Variants in GRM7 observed in about 807,000 individuals in gnomAD.
GRM7 encodes the protein metabotropic glutamate receptor 7.
A neutral mutation model predicts 84.5 loss-of-function variants in GRM7; 35 were observed. The ratio of observed to expected loss-of-function variants is 0.41; its 90% CI spans 0.32 to 0.55. GRM7 has a LOEUF of 0.55. GRM7 is among the 20% of genes least tolerant of loss of function. The pLI is 0.19. For missense variants in GRM7, 1,003 were observed against 1,194.6 expected, an observed-to-expected ratio of 0.84 and a Z score of 2.36; for synonymous variants, 487 against 455.1, an observed-to-expected ratio of 1.07 and a Z score of -0.89.
At chr3:7,548,387 A>C (rs1330637379) in intron 7 of GRM7, among the ~76,000 whole-genome samples, 1 of 152,210 alleles carries the variant, frequency 6.6e-6, no homozygotes, top group Non-Finnish European at 1.5e-5. Context: ...CCAGAAGCCA[A>C]GCAGGTGCTA....
chr3:7,445,068 G>A (rs987738720), intron 5 of GRM7, among the ~76,000 whole-genome samples: 3 of 152,090 alleles, frequency 2.0e-5, no homozygotes, highest in African/African-American at 4.8e-5. Flanking sequence ...TGTTCTGGGC[G>A]TTAACTTTTC....
At chr3:7,660,922 A>G (rs1699415831) in intron 8 of GRM7, among the ~76,000 whole-genome samples, 1 of 152,246 alleles carries the variant, frequency 6.6e-6, no homozygotes, top group South Asian at 2.1e-4. Context: ...TATCCAAAAT[A>G]AACAAACATG....
At chr3:7,606,451 A>G (rs1447490732) in intron 8 of GRM7, among the ~76,000 whole-genome samples, 2 of 152,202 alleles carry the variant, frequency 1.3e-5, no homozygotes, top group Non-Finnish European at 2.9e-5. Context: ...AGATATGACA[A>G]TAAAACACAC....
intron 1 of GRM7, among the ~76,000 whole-genome samples, chr3:7,083,860 C>A (rs1698354224): frequency 6.6e-6 from 1 of 152,042 alleles, no homozygotes; most frequent in Non-Finnish European, 1.5e-5. Context: ...TGCATCCTTC[C>A]AAAATGTGGA....
At chr3:7,601,478 C>G (rs1696310549) in intron 8 of GRM7, among the ~76,000 whole-genome samples, 1 of 152,110 alleles carries the variant, frequency 6.6e-6, no homozygotes, top group African/African-American at 2.4e-5. Flanking sequence ...GAAAAAAACT[C>G]CACAAGATTG....
intron 8 of GRM7, among the ~76,000 whole-genome samples, chr3:7,588,749 C>T (rs541496053): frequency 3.3e-5 from 5 of 152,260 alleles, no homozygotes; most frequent in South Asian, 2.1e-4. Flanking sequence ...AGTAAGTCAT[C>T]GGTAGAAATG....
intron 2 of GRM7, among the ~76,000 whole-genome samples, chr3:7,228,585 C>A (rs1697059529): frequency 6.6e-6 from 1 of 152,160 alleles, no homozygotes; most frequent in South Asian, 2.1e-4. Context: ...TTTCTTGAGT[C>A]ATGTTTATAT....
intron 8 of GRM7, among the ~76,000 whole-genome samples, chr3:7,595,104 G>A (rs1056298824): frequency 1.3e-5 from 2 of 152,162 alleles, no homozygotes; most frequent in African/African-American, 4.8e-5. Flanking sequence ...TATCGACTTT[G>A]TGCCTGGCAC....
intron 8 of GRM7, among the ~76,000 whole-genome samples, chr3:7,609,920 C>T (rs1455603510): frequency 3.3e-5 from 5 of 152,162 alleles, no homozygotes; most frequent in African/African-American, 1.2e-4. Context: ...CTGGATATAG[C>T]CATCCCATTC....
chr3:7,193,579 C>T lies in GRM7; in HGVS notation c.736+46911C>T, dbSNP rs1575015386. On this transcript the variant is annotated intron_variant, in intron 2 of 9. Transcript: ENST00000357716. ...GGATAATAAATAGTAATCATTAATGCATGAACATCACATCCTTTAAAACAT... is the reference window on the plus strand; with the variant it reads ...GGATAATAAATAGTAATCATTAATGTATGAACATCACATCCTTTAAAACAT... Among the ~76,000 whole-genome samples the T allele has an allele frequency of 2.6e-5, 4 of 151,960 alleles. No individual in the cohort carries two copies. In the South Asian group the frequency reaches 8.3e-4, roughly 32 times the overall value.
Position 7,146,502 on chromosome 3 carries a change from G to A in GRM7, c.570G>A (p.Arg190=). ...ASTAPELSDD[R]RYDFFSRVVP... is the part of the protein sequence containing the mutation. ...CGGCACCCGAGCTAAGTGATGACCG[G>A]CGCTATGACTTCTTCTCTCGCGTGG... is the stretch of plus-strand genomic sequence containing the variant. Residue 190 remains arginine (R), a synonymous_variant, in exon 2 of 10, where the codon CGG becomes CGA. Transcript: ENST00000357716. 1 of 1,613,938 alleles carries A rather than the reference G, an allele frequency of 6.2e-7. No individual in the cohort carries two copies. Among genetic ancestry groups the A allele is most frequent in the Non-Finnish European group, 8.5e-7 (1 of 1,179,958 alleles).
At chr3:7,619,794 G>A (rs538192691) in intron 8 of GRM7, among the ~76,000 whole-genome samples, 9 of 152,158 alleles carry the variant, frequency 5.9e-5, no homozygotes, top group Non-Finnish European at 1.2e-4. Flanking sequence ...TTGAAGCTTT[G>A]TGTTTTGTCA....
chr3:6,977,720 T>C (rs576959518), intron 1 of GRM7, among the ~76,000 whole-genome samples: 1 of 152,294 alleles, frequency 6.6e-6, no homozygotes, highest in East Asian at 1.9e-4. Context: ...AGAGGAGACA[T>C]TAATAACACT....
At chr3:7,009,014 T>G (rs1335935435) in intron 1 of GRM7, among the ~76,000 whole-genome samples, 1 of 152,218 alleles carries the variant, frequency 6.6e-6, no homozygotes, top group African/African-American at 2.4e-5. Flanking sequence ...AAAAGTTGCC[T>G]CTTTATGAAT....
intron 8 of GRM7, among the ~76,000 whole-genome samples, chr3:7,638,633 G>A (rs933460987): frequency 2.0e-5 from 3 of 152,182 alleles, no homozygotes; most frequent in African/African-American, 7.2e-5. Context: ...TTGGCATGCT[G>A]TTGCCATGAG....
rs183563117 is a variant in GRM7, at chr3:7,720,986, T to C, written c.2699-19371T>C. Among the ~76,000 whole-genome samples, 432 of 152,330 alleles carry C rather than the reference T, an allele frequency of 2.8e-3. 7 individuals carry two copies. The highest frequency in any genetic ancestry group is 0.02 in the Middle Eastern group (6 of 294). ...AGAGATAATGCTGGTACCTACTTCA[T>C]AGAGCTTGCTGGAAGGATTAAAAGG... On this transcript the variant is annotated intron_variant, in intron 9 of 9. Coordinates refer to ENST00000357716, the MANE Select transcript of GRM7 (RefSeq NM_000844.4).
intron 2 of GRM7, among the ~76,000 whole-genome samples, chr3:7,295,953 G>A (rs1388426418): frequency 6.6e-6 from 1 of 152,056 alleles, no homozygotes; most frequent in Non-Finnish European, 1.5e-5. Context: ...TATTGAACAG[G>A]ATAGGGCAAC....
chr3:7,057,974 G>T (rs1697291075), intron 1 of GRM7, among the ~76,000 whole-genome samples: 1 of 151,884 alleles, frequency 6.6e-6, no homozygotes, highest in Admixed American at 6.6e-5. Flanking sequence ...TCGGTTCTTA[G>T]GCATTCAGAT....
intron 2 of GRM7, among the ~76,000 whole-genome samples, chr3:7,256,742 A>G (rs2124949620): frequency 6.6e-6 from 1 of 152,340 alleles, no homozygotes; most frequent in Admixed American, 6.5e-5. Flanking sequence ...TTGGAAATGC[A>G]AAGATGAATA....
Sources: gnomAD v4.1 joint callset for allele counts (sites outside exome capture counted in the v4.1 genomes callset) on GRCh38, gnomAD v4.1.1 for gene constraint, MANE v1.5 for transcripts, NCBI Gene and HGNC (gene_info 2026-07-23, HGNC 2026-07-21) for gene names.